The following ITPR2 variants were observed in gnomAD, a reference collection of about 807,000 sequenced individuals.
The protein encoded by ITPR2 is inositol 1,4,5-trisphosphate receptor type 2.
A neutral mutation model predicts 317.1 loss-of-function variants in ITPR2; 207 were observed. The ratio of observed to expected loss-of-function variants is 0.65; its 90% confidence interval spans 0.58 to 0.73. ITPR2 has a LOEUF of 0.73. Among genes scored for constraint, ITPR2 ranks in the 30% least tolerant of loss-of-function variants. ITPR2 has a pLI of 0.00. For missense variants in ITPR2, 2,613 were observed against 3,284.0 expected (o/e 0.80, Z 4.99); for synonymous variants, 1,156 against 1,149.1 (o/e 1.01, Z -0.12).
At chr12:26,643,661 T>C (rs1947043196) in intron 21 of ITPR2, among the ~76,000 whole-genome samples, 1 of 152,184 alleles carries the variant, frequency 6.6e-6, no homozygotes, top group African/African-American at 2.4e-5. Flanking sequence ...AGAGCCATCA[T>C]TGTATAAAGT....
intron 45 of ITPR2, among the ~76,000 whole-genome samples, chr12:26,450,486 C>T (rs900053084): frequency 7.9e-5 from 12 of 152,130 alleles, no homozygotes; most frequent in African/African-American, 2.9e-4. Context: ...CTGGTCTTCC[C>T]GAATACTGAT....
intron 52 of ITPR2, among the ~76,000 whole-genome samples, chr12:26,404,301 C>A (rs1193085578): frequency 6.6e-6 from 1 of 152,090 alleles, no homozygotes; most frequent in African/African-American, 2.4e-5. Context: ...AGAAATAGAC[C>A]ATTTAGAAGG....
intron 55 of ITPR2, among the ~76,000 whole-genome samples, chr12:26,374,580 A>G (rs1565493712): frequency 1.3e-5 from 2 of 152,240 alleles, no homozygotes; most frequent in Admixed American, 1.3e-4. Flanking sequence ...TTAGCCAAAT[A>G]TTTTAAGTAG....
chr12:26,380,319 T>C (rs73079183), intron 55 of ITPR2, among the ~76,000 whole-genome samples: 13,163 of 152,206 alleles, frequency 0.086, 664 homozygotes, highest in Non-Finnish European at 0.11. Context: ...GTCTTACACA[T>C]GAATACTAAA....
At chr12:26,363,792 T>C (rs1255683793) in intron 55 of ITPR2, among the ~76,000 whole-genome samples, 1 of 152,128 alleles carries the variant, frequency 6.6e-6, no homozygotes, top group Admixed American at 6.6e-5. Context: ...TCCTACAAAT[T>C]GCACTAAGTA....
chr12:26,562,781 G>T (rs902611230), intron 34 of ITPR2, among the ~76,000 whole-genome samples: 1 of 151,970 alleles, frequency 6.6e-6, no homozygotes, highest in South Asian at 2.1e-4. Context: ...TGGGGGAAGG[G>T]GGGGAGGGAT....
At chr12:26,812,562 G>A (rs988062666) in intron 1 of ITPR2, among the ~76,000 whole-genome samples, 2 of 152,136 alleles carry the variant, frequency 1.3e-5, no homozygotes, top group African/African-American at 2.4e-5. Context: ...CTGGGCGACA[G>A]AGCGAGACTC....
intron 45 of ITPR2, among the ~76,000 whole-genome samples, chr12:26,474,172 C>T (rs934829729): frequency 3.3e-5 from 5 of 152,024 alleles, no homozygotes; most frequent in African/African-American, 1.2e-4. Flanking sequence ...ATAAATCTTC[C>T]GAGAATCTGA....
rs181765625 is a variant in ITPR2, at chr12:26,450,379, G to A, written c.6343-6729C>T. Among the ~76,000 whole-genome samples, 196 of 152,240 alleles carry A rather than the reference G, an allele frequency of 1.3e-3. 1 individual carries two copies. Among genetic ancestry groups the A allele is most frequent in the South Asian group, 5.4e-3 (26 of 4,818 alleles). ...CCTTCTCTTAAAAAAGGAATTTGGG[G>A]ATAAGACAGGATCCATTTGGGCATG... On this transcript the variant is annotated intron_variant, in intron 45 of 56. Transcript: ENST00000381340.
chr12:26,610,533 G>A lies in ITPR2; in HGVS notation c.3463-7827C>T, dbSNP rs1471793939. Reference sequence around the variant, plus strand: ...AAGAAAAGGAAAGAGAAGGAAGGGAGGGAAGGAAGGAATTAATTCATAATT... The same window carrying A: ...AAGAAAAGGAAAGAGAAGGAAGGGAAGGAAGGAAGGAATTAATTCATAATT... On this transcript the variant is annotated intron_variant, in intron 26 of 56. Coordinates refer to ENST00000381340, the MANE Select transcript of ITPR2 (RefSeq NM_002223.4). Among the ~76,000 whole-genome samples the A allele has an allele frequency of 1.3e-5, 2 of 150,744 alleles. 1 individual carries two copies. Among genetic ancestry groups the A allele is most frequent in the East Asian group, 3.9e-4 (2 of 5,156 alleles).
intron 13 of ITPR2, among the ~76,000 whole-genome samples, chr12:26,668,029 T>G (rs1947666658): frequency 2.0e-5 from 3 of 152,198 alleles, no homozygotes. Flanking sequence ...TTTTTTGACC[T>G]TGCACCTCAA....
At chr12:26,419,908 T>C (rs557044872) in intron 49 of ITPR2, 1 of 152,214 alleles carries the variant, frequency 6.6e-6, no homozygotes, top group South Asian at 2.1e-4. Flanking sequence ...AAAATATAAA[T>C]GTACTTATAT....
At chr12:26,783,021 ACCT>A (rs1353855037) in intron 2 of ITPR2, among the ~76,000 whole-genome samples, 2 of 152,226 alleles carry the variant, frequency 1.3e-5, no homozygotes, top group Non-Finnish European at 2.9e-5. Context: ...TGAGTGTGTA[ACCT>A]CCATGAGCAG....
At chr12:26,799,028 C>T (rs1950507640) in intron 1 of ITPR2, among the ~76,000 whole-genome samples, 1 of 152,142 alleles carries the variant, frequency 6.6e-6, no homozygotes, top group Non-Finnish European at 1.5e-5. Flanking sequence ...TATTTTTAGA[C>T]ATGTCTAATT....
In ITPR2 at chr12:26,657,883, T is replaced by G. The variant is rs2291263; in HGVS notation, c.2016A>C (p.Ser672=). The G allele has an allele frequency of 0.19, 301,267 of 1,612,128 alleles. 35,103 individuals are homozygous for G. The highest frequency in any genetic ancestry group is 0.53 in the East Asian group (23,762 of 44,828). The change falls in exon 18 of 57, where the codon TCA becomes TCC. Residue 672 remains serine, a synonymous_variant. Transcript: ENST00000381340. ...ADILIQTKVV[S]MQADNPMESS... ...TCTCCATGGGGTTGTCTGCTTGCAT[T>G]GAGACCACCCTTCAAATAAATAGCA... is the stretch of plus-strand genomic sequence containing the variant.
chr12:26,354,747 C>T (rs573204076), intron 55 of ITPR2, among the ~76,000 whole-genome samples: 1 of 152,142 alleles, frequency 6.6e-6, no homozygotes, highest in Non-Finnish European at 1.5e-5. Context: ...CAGCTCACTG[C>T]AACCTCTGCC....
chr12:26,540,097 T>C (rs1013262910), intron 37 of ITPR2, among the ~76,000 whole-genome samples: 4 of 152,208 alleles, frequency 2.6e-5, no homozygotes, highest in Admixed American at 2.0e-4. Flanking sequence ...AGAAATCCAG[T>C]ACTCTACCCT....
chr12:26,783,022 C>G (rs1950124258), intron 2 of ITPR2, among the ~76,000 whole-genome samples: 1 of 152,134 alleles, frequency 6.6e-6, no homozygotes, highest in East Asian at 1.9e-4. Flanking sequence ...GAGTGTGTAA[C>G]CTCCATGAGC....
intron 37 of ITPR2, among the ~76,000 whole-genome samples, chr12:26,532,041 T>G (rs909790139): frequency 6.6e-6 from 1 of 152,208 alleles, no homozygotes; most frequent in Non-Finnish European, 1.5e-5. Flanking sequence ...CTTAAAATTA[T>G]AGGATATTTG....
Sources: gnomAD v4.1 joint callset for allele counts (sites outside exome capture counted in the v4.1 genomes callset) on GRCh38, gnomAD v4.1.1 for gene constraint, MANE v1.5 for transcripts, NCBI Gene and HGNC (gene_info 2026-07-23, HGNC 2026-07-21) for gene names.